The following MRPL1 variants were observed in gnomAD, a reference collection of about 807,000 sequenced individuals.
MRPL1 encodes large ribosomal subunit protein uL1m.
Under a neutral mutation model 38.0 loss-of-function variants are expected in MRPL1, and 28 were observed. That is an observed-to-expected ratio of 0.74 (90% CI 0.55 to 1.01). The LOEUF is 1.01. Ranked by LOEUF, MRPL1 falls within the 50% of genes least tolerant of loss-of-function variation. The probability of loss-of-function intolerance (pLI) is 0.00; values close to 1 mark genes in which losing one functional copy is unlikely to be tolerated. For synonymous variants in MRPL1, 123 were observed against 126.7 expected (o/e 0.97, Z 0.20); for missense variants, 358 against 389.8 (o/e 0.92, Z 0.69).
intron 1 of MRPL1, among the ~76,000 whole-genome samples, chr4:77,867,746 C>CTTTT (rs71214374): frequency 9.8e-5 from 9 of 92,040 alleles, no homozygotes; most frequent in East Asian, 4.2e-4. Context: ...ATAGTTATTT[C>CTTTT]TTTTTTTTTT....
intron 7 of MRPL1, among the ~76,000 whole-genome samples, chr4:77,932,206 A>G (rs1385546776): frequency 2.0e-5 from 3 of 152,198 alleles, no homozygotes; most frequent in African/African-American, 7.2e-5. Context: ...TCAAAGTCAA[A>G]CTGGAATTAC....
intron 7 of MRPL1, among the ~76,000 whole-genome samples, chr4:77,944,134 A>T (rs1737199790): frequency 6.6e-6 from 1 of 152,172 alleles, no homozygotes; most frequent in African/African-American, 2.4e-5. Context: ...TGAGAGCCAA[A>T]CTGTAGTGAT....
chr4:77,924,818 CAT>C (rs1383179827), intron 7 of MRPL1, among the ~76,000 whole-genome samples: 1 of 152,120 alleles, frequency 6.6e-6, no homozygotes, highest in Non-Finnish European at 1.5e-5. Context: ...TTTCATGGCT[CAT>C]AGTCTGTTTT....
chr4:77,905,496 C>CAA (rs374398968), intron 6 of MRPL1, among the ~76,000 whole-genome samples: 28,678 of 63,362 alleles, frequency 0.45, 7,854 homozygotes, highest in Non-Finnish European at 0.55. Flanking sequence ...GACTCCGTCT[C>CAA]AAAAAAAAAA....
At chr4:77,918,011 G>A (rs1020592845) in intron 7 of MRPL1, among the ~76,000 whole-genome samples, 4 of 147,722 alleles carry the variant, frequency 2.7e-5, no homozygotes, top group Admixed American at 6.8e-5. Context: ...GCCGAGATGC[G>A]CCACTGCACT....
At position 77,883,476 on chromosome 4, in the gene MRPL1, A is replaced by C; in HGVS notation, c.378A>C (p.Thr126=). ...AGCAAAGTGTTTATCTTGATTTGAC[A>C]CTGGATATGGCACTGGGAAAGAAGG... The part of the protein sequence containing the change: ...SPKQSVYLDL[T]LDMALGKKKN... Residue 126 remains threonine, a synonymous_variant, in exon 3 of 9, where the codon ACA becomes ACC. Coordinates refer to ENST00000315567, the MANE Select transcript of MRPL1 (RefSeq NM_020236.4). 6.2e-7 allele frequency: 1 copy of C among 1,613,570 alleles called. No individual in the cohort carries two copies. Among genetic ancestry groups the C allele is most frequent in the Non-Finnish European group, 8.5e-7 (1 of 1,179,784 alleles).
intron 7 of MRPL1, among the ~76,000 whole-genome samples, chr4:77,937,731 G>A (rs78069507): frequency 6.6e-6 from 1 of 152,116 alleles, no homozygotes; most frequent in Non-Finnish European, 1.5e-5. Context: ...TTAGAATATA[G>A]GGTACTGAAT....
At chr4:77,869,541 T>C (rs1735228646) in intron 1 of MRPL1, among the ~76,000 whole-genome samples, 3 of 152,152 alleles carry the variant, frequency 2.0e-5, no homozygotes, top group Non-Finnish European at 4.4e-5. Flanking sequence ...CTGGTTGTCA[T>C]GACTGATAGT....
At chr4:77,924,907 A>G (rs1186593989) in intron 7 of MRPL1, among the ~76,000 whole-genome samples, 5 of 152,186 alleles carry the variant, frequency 3.3e-5, no homozygotes, top group Non-Finnish European at 7.4e-5. Context: ...ATAACTTTGT[A>G]CTTAGAATCT....
Position 77,942,475 on chromosome 4 carries a change from A to G in MRPL1, c.778-7322A>G, listed in dbSNP as rs572487558. Among the ~76,000 whole-genome samples the G allele has an allele frequency of 3.3e-5, 5 of 152,190 alleles. 1 individual carries two copies. Among genetic ancestry groups the G allele is most frequent in the African/African-American group, 1.2e-4 (5 of 41,518 alleles). Reference sequence around the variant, plus strand: ...TGTCAGTGGAGTTTTGAAATCTGCCACTATTATTGTGTTGCTGTCTATCTC... The same window carrying G: ...TGTCAGTGGAGTTTTGAAATCTGCCGCTATTATTGTGTTGCTGTCTATCTC... On this transcript the variant is annotated intron_variant, in intron 7 of 8. Coordinates refer to ENST00000315567, the MANE Select transcript of MRPL1 (RefSeq NM_020236.4).
intron 7 of MRPL1, among the ~76,000 whole-genome samples, chr4:77,924,892 C>A (rs1242876739): frequency 1.3e-5 from 2 of 152,162 alleles, no homozygotes; most frequent in Non-Finnish European, 2.9e-5. Flanking sequence ...TCCAAATTTA[C>A]TAGCATAACT....
chr4:77,896,035 G>A (rs1288932841), intron 6 of MRPL1, among the ~76,000 whole-genome samples: 3 of 151,764 alleles, frequency 2.0e-5, no homozygotes, highest in African/African-American at 7.3e-5. Flanking sequence ...ATACTAATAT[G>A]TTTGTATTCT....
intron 1 of MRPL1, among the ~76,000 whole-genome samples, chr4:77,868,368 T>G (rs557363093): frequency 2.6e-5 from 4 of 152,040 alleles, no homozygotes; most frequent in African/African-American, 4.8e-5. Flanking sequence ...GCCTCCCGAG[T>G]AGCTGGGATT....
At chr4:77,909,481 C>G (rs1736238286) in intron 7 of MRPL1, 109 bp downstream of exon 7, 4 of 679,056 alleles carry the variant, frequency 5.9e-6, no homozygotes, top group Admixed American at 6.2e-5. Context: ...GTTTTTGGCA[C>G]TAGCATTAAG....
At chr4:77,889,863 T>C (rs1735768994) in intron 5 of MRPL1, among the ~76,000 whole-genome samples, 1 of 152,030 alleles carries the variant, frequency 6.6e-6, no homozygotes, top group Non-Finnish European at 1.5e-5. Context: ...TCTACGCAAA[T>C]AAACTAGAAA....
At chr4:77,906,726 C>T (rs1736167851) in intron 6 of MRPL1, among the ~76,000 whole-genome samples, 1 of 152,110 alleles carries the variant, frequency 6.6e-6, no homozygotes, top group Admixed American at 6.5e-5. Flanking sequence ...CTTATGAAAA[C>T]AAACGTAAAA....
chr4:77,895,328 T>C (rs980237219), intron 6 of MRPL1, among the ~76,000 whole-genome samples: 1 of 152,004 alleles, frequency 6.6e-6, no homozygotes, highest in African/African-American at 2.4e-5. Context: ...GTCAAGGATA[T>C]TAGGACTTAG....
intron 2 of MRPL1, among the ~76,000 whole-genome samples, chr4:77,879,367 T>G (rs1386017846): frequency 2.0e-5 from 3 of 152,216 alleles, no homozygotes; most frequent in Non-Finnish European, 4.4e-5. Context: ...TTTTTGTGTT[T>G]ATAAATATTT....
chr4:77,931,744 C>T (rs1299336856), intron 7 of MRPL1, among the ~76,000 whole-genome samples: 1 of 152,192 alleles, frequency 6.6e-6, no homozygotes, highest in African/African-American at 2.4e-5. Context: ...TTTCTGGTTT[C>T]ACTACTTAGG....
Sources: gnomAD v4.1 joint callset for allele counts (sites outside exome capture counted in the v4.1 genomes callset) on GRCh38, gnomAD v4.1.1 for gene constraint, MANE v1.5 for transcripts, NCBI Gene and HGNC (gene_info 2026-07-23, HGNC 2026-07-21) for gene names.